EXOC7: variants seen among roughly 807,000 people sequenced by gnomAD.
EXOC7 encodes the protein exocyst complex component Exo70.
EXOC7 carries 51 observed loss-of-function variants against 87.6 expected under a neutral mutation model. That is an observed-to-expected ratio of 0.58 (90% CI 0.46 to 0.73). The LOEUF is 0.73. Among genes scored for constraint, EXOC7 ranks in the 30% least tolerant of loss-of-function variants. The pLI is 0.00. For missense variants in EXOC7, 744 were observed against 888.4 expected (o/e 0.84, Z 2.07); for synonymous variants, 327 against 357.1 (o/e 0.92, Z 0.95).
Position 76,081,593 on chromosome 17 carries a change from C to G in EXOC7, c.*2055G>C. On this transcript the variant is annotated 3_prime_UTR_variant, in exon 19 of 19. Transcript: ENST00000589210. Reference sequence around the variant, plus strand: ...CAAGTCCATCATCGCTCTCTTGGTGCCTGCAGAGGCACTGCTGTTGGCTGA... The same window carrying G: ...CAAGTCCATCATCGCTCTCTTGGTGGCTGCAGAGGCACTGCTGTTGGCTGA... 3.1e-6 allele frequency: 5 copies of G among 1,614,024 alleles called. No homozygotes were observed. The highest frequency in any genetic ancestry group is 4.2e-6 in the Non-Finnish European group (5 of 1,180,038).
chr17:76,103,572 AGGCCCCGCTGTT>A, intron 1 of EXOC7, 49 bp downstream of exon 1: 3 of 1,598,296 alleles, frequency 1.9e-6, no homozygotes, highest in Non-Finnish European at 2.6e-6. Flanking sequence ...GTAGACAATC[AGGCCCCGCTGTT>A]GGCCCCTTTC....
chr17:76,090,671 A>C, intron 7 of EXOC7: 1 of 610,180 alleles, frequency 1.6e-6, no homozygotes, highest in South Asian at 2.0e-5. Context: ...GAGAAGGACC[A>C]AGGAGGGGCT....
chr17:76,083,627 C>T lies in EXOC7; in HGVS notation c.*21G>A, dbSNP rs746624910. On this transcript the variant is annotated 3_prime_UTR_variant, in exon 19 of 19. Transcript: ENST00000589210. ...CAATGACACGCCAGTCTGGTGGAAC[C>T]AGGCAGGGCTAGCAGCAGGCTCAGG... 3.1e-6 allele frequency: 5 copies of T among 1,612,316 alleles called. No individual in the cohort carries two copies. The highest frequency in any genetic ancestry group is 2.5e-6 in the Non-Finnish European group (3 of 1,178,606).
chr17:76,089,967 C>T (rs1028367737), intron 7 of EXOC7, among the ~76,000 whole-genome samples: 1 of 152,244 alleles, frequency 6.6e-6, no homozygotes, highest in Non-Finnish European at 1.5e-5. Context: ...AAACCGGCGG[C>T]AGAACTGCCT....
rs991509739 is a variant in EXOC7, at chr17:76,087,712, G to A, written c.1371C>T (p.Leu457=). 1.5e-5 allele frequency: 23 copies of A among 1,551,228 alleles called. No homozygotes were observed. The African/African-American group carries it at 2.7e-4, about 18-fold the overall frequency. Residue 457 remains leucine (L), a synonymous_variant, in exon 12 of 19, where the codon CTC becomes CTT. Transcript: ENST00000589210. ...TVHELTSNAI[L]FLQQLLDFQE... is the part of the protein sequence containing the mutation. ...GGAAGTCCAAAAGCTGCTGCAGGAA[G>A]AGGATGGCCTGGGTGGGAAGAAAAC...
chr17:76,084,827 C>T (rs2067138710), intron 15 of EXOC7: 2 of 551,890 alleles, frequency 3.6e-6, no homozygotes, highest in South Asian at 2.3e-5. Context: ...CTATACTTCA[C>T]ATCAATATCG....
At position 76,084,292 on chromosome 17, in the gene EXOC7, G is replaced by T. The variant is rs532881427; in HGVS notation, c.1777-3C>A. 13 of 1,613,480 alleles carry T rather than the reference G, an allele frequency of 8.1e-6. No individual in the cohort carries two copies. Among genetic ancestry groups the T allele is most frequent in the African/African-American group, 6.7e-5 (5 of 75,036 alleles). ...ATCTGCCGCTCCTTGTCCCGGAGCT[G>T]GGAAGCCAGGAGAGATAGCAGAGAA... On this transcript the variant is annotated splice_region_variant and splice_polypyrimidine_tract_variant and intron_variant, in intron 16 of 18. Transcript: ENST00000589210.
At chr17:76,093,247 G>T in intron 6 of EXOC7, 1 of 152,612 alleles carries the variant, frequency 6.6e-6, no homozygotes, top group Non-Finnish European at 1.5e-5. Context: ...AGGCAGCTGC[G>T]CCCACAGGCT....
Position 76,081,378 on chromosome 17 carries a change from G to C in EXOC7, c.*2270C>G. ...TGAAGACCCAAGTCCCACCCCAGCA[G>C]CTGGTGCCCTGCTTCCAGGTGACGG... On this transcript the variant is annotated 3_prime_UTR_variant, in exon 19 of 19. Transcript: ENST00000589210. 1.9e-6 allele frequency: 3 copies of C among 1,614,148 alleles called. No individual in the cohort carries two copies. Among genetic ancestry groups the C allele is most frequent in the South Asian group, 2.2e-5 (2 of 91,086 alleles).
chr17:76,097,203 G>A (rs917475966), intron 5 of EXOC7, among the ~76,000 whole-genome samples: 1 of 152,168 alleles, frequency 6.6e-6, no homozygotes, highest in Non-Finnish European at 1.5e-5. Context: ...ATCAGGGAAT[G>A]GGAGATGGAC....
Position 76,082,150 on chromosome 17 carries a change from A to G in EXOC7, c.*1498T>C. ...GTGTGGGTAGAGGCCCCTTGCATCC[A>G]CCCTGCTGGCTCTCCTGTCCCTGGT... On this transcript the variant is annotated 3_prime_UTR_variant, in exon 19 of 19. Coordinates refer to ENST00000589210, the MANE Select transcript of EXOC7 (RefSeq NM_001013839.4). The G allele has an allele frequency of 7.3e-7, 1 of 1,377,270 alleles. No individual in the cohort carries two copies. Among genetic ancestry groups the G allele is most frequent in the Non-Finnish European group, 9.8e-7 (1 of 1,021,218 alleles). 85.3% of individuals were successfully genotyped at this position (1,377,270 alleles called of 1,614,324 possible).
At chr17:76,091,264 TAAG>T in intron 6 of EXOC7, 29 bp from the exon 7 acceptor site, 3 of 1,595,048 alleles carry the variant, frequency 1.9e-6, no homozygotes, top group Non-Finnish European at 2.6e-6. Flanking sequence ...AGAGAGGAGA[TAAG>T]AAGACCTAGG....
intron 1 of EXOC7, 100 bp from the exon 2 acceptor site, chr17:76,103,526 T>C (rs2068183684): frequency 1.3e-6 from 2 of 1,556,816 alleles, no homozygotes; most frequent in Non-Finnish European, 1.7e-6. Context: ...ATCTCCTCGC[T>C]GGGTGCGCTC....
chr17:76,094,666 T>C, intron 5 of EXOC7, 85 bp from the exon 6 acceptor site: 1 of 1,391,400 alleles, frequency 7.2e-7, no homozygotes, highest in Non-Finnish European at 9.9e-7. Flanking sequence ...GTCAAACCTG[T>C]CAACCCTTCT....
intron 15 of EXOC7, 50 bp downstream of exon 15, chr17:76,085,264 C>T (rs2246277): frequency 0.6 from 848,146 of 1,417,526 alleles, 255,946 homozygotes; most frequent in South Asian, 0.7. Context: ...AGGAAGAGTG[C>T]GTGGTGGCAC....
chr17:76,098,799 G>A (rs1249299859), intron 4 of EXOC7, among the ~76,000 whole-genome samples: 1 of 150,802 alleles, frequency 6.6e-6, no homozygotes, highest in Non-Finnish European at 1.5e-5. Flanking sequence ...CCAGGAGGCG[G>A]AGCTTGCAGT....
In EXOC7 at chr17:76,082,166, T is replaced by C; in HGVS notation, c.*1482A>G. ...CTTGCATCCACCCTGCTGGCTCTCC[T>C]GTCCCTGGTCTCCACCATGTCCTCC... On this transcript the variant is annotated 3_prime_UTR_variant, in exon 19 of 19. Coordinates refer to ENST00000589210, the MANE Select transcript of EXOC7 (RefSeq NM_001013839.4). 1 of 1,270,752 alleles carries C rather than the reference T, an allele frequency of 7.9e-7. No homozygotes were observed. The highest frequency in any genetic ancestry group is 1.1e-6 in the Non-Finnish European group (1 of 928,466). 78.7% of individuals were successfully genotyped at this position (1,270,752 alleles called of 1,614,324 possible). A position where few individuals can be genotyped will look rare whatever the true frequency, so the allele number is the denominator to read the frequency against.
intron 5 of EXOC7, 129 bp from the exon 6 acceptor site, chr17:76,094,710 C>T: frequency 1.1e-6 from 1 of 900,336 alleles, no homozygotes; most frequent in Non-Finnish European, 1.7e-6. Context: ...CACAAGCCAC[C>T]CATATCTTGT....
intron 4 of EXOC7, 119 bp from the exon 5 acceptor site, chr17:76,098,137 T>G (rs2067870778): frequency 1.4e-5 from 11 of 790,272 alleles, no homozygotes; most frequent in Non-Finnish European, 2.2e-5. Flanking sequence ...TTTTCTGCCC[T>G]GATATCTTTT....
Sources: gnomAD v4.1 joint callset for allele counts (sites outside exome capture counted in the v4.1 genomes callset) on GRCh38, gnomAD v4.1.1 for gene constraint, MANE v1.5 for transcripts, NCBI Gene and HGNC (gene_info 2026-07-23, HGNC 2026-07-21) for gene names.